The following UBR3 variants were observed in gnomAD, a reference collection of about 807,000 sequenced individuals.
UBR3 encodes the protein ubiquitin protein ligase E3 component n-recognin 3.
A neutral mutation model predicts 243.2 loss-of-function variants in UBR3; 85 were observed. The observed-to-expected ratio is 0.35, with a 90% CI of 0.29 to 0.42. The LOEUF (loss-of-function observed/expected upper bound fraction) is 0.42. Ranked by LOEUF, UBR3 falls within the 10% of genes least tolerant of loss-of-function variation. The probability of loss-of-function intolerance (pLI) is 1.00; values close to 1 mark genes in which losing one functional copy is unlikely to be tolerated. For missense variants in UBR3, 1,686 were observed against 2,300.8 expected (o/e 0.73, Z 5.47); for synonymous variants, 748 against 799.8 (o/e 0.94, Z 1.09).
intron 5 of UBR3, among the ~76,000 whole-genome samples, chr2:169,881,930 C>T (rs1367717723): frequency 8.2e-6 from 1 of 121,496 alleles, no homozygotes; most frequent in African/African-American, 3.1e-5. Context: ...TACATGTATA[C>T]ATATAATATA....
intron 24 of UBR3, among the ~76,000 whole-genome samples, chr2:169,985,782 G>T (rs6708186): frequency 6.6e-6 from 1 of 151,968 alleles, no homozygotes; most frequent in Non-Finnish European, 1.5e-5. Context: ...AGTATCAGAT[G>T]TGTGTATATC....
intron 33 of UBR3, 112 bp from the exon 34 acceptor site, chr2:170,060,967 T>TA: frequency 1.4e-6 from 1 of 720,928 alleles, no homozygotes; most frequent in Non-Finnish European, 2.1e-6. Flanking sequence ...GAAGCTCATA[T>TA]GCTTGAAAAA....
intron 3 of UBR3, 102 bp from the exon 4 acceptor site, chr2:169,877,392 C>A: frequency 9.5e-7 from 1 of 1,054,834 alleles, no homozygotes; most frequent in South Asian, 1.8e-5. Context: ...GGCTCCCACT[C>A]CATTAGAATA....
intron 32 of UBR3, 34 bp downstream of exon 32, chr2:170,041,019 T>A: frequency 4.5e-6 from 7 of 1,559,738 alleles, no homozygotes; most frequent in Non-Finnish European, 6.2e-6. Context: ...TTTGATTATA[T>A]ACTATGTATT....
At chr2:170,071,830 T>A (rs1050087648) in intron 35 of UBR3, among the ~76,000 whole-genome samples, 1 of 152,184 alleles carries the variant, frequency 6.6e-6, no homozygotes, top group African/African-American at 2.4e-5. Flanking sequence ...TGCCAAGCAT[T>A]AGGAGGACAG....
intron 31 of UBR3, among the ~76,000 whole-genome samples, chr2:170,036,230 C>T (rs1458829212): frequency 1.3e-5 from 2 of 152,138 alleles, no homozygotes; most frequent in East Asian, 3.9e-4. Context: ...GGAGTGGGGA[C>T]ATCTTTGCCT....
chr2:169,842,287 A>C (rs2082323349), intron 1 of UBR3, among the ~76,000 whole-genome samples: 1 of 152,012 alleles, frequency 6.6e-6, no homozygotes, highest in African/African-American at 2.4e-5. Flanking sequence ...GTATCTAACT[A>C]ATCTGATGGG....
In UBR3 at chr2:169,946,349, A is replaced by G; in HGVS notation, c.2867A>G (p.Glu956Gly). The G allele has an allele frequency of 6.6e-7, 1 of 1,507,666 alleles. No individual in the cohort carries two copies. Among genetic ancestry groups the G allele is most frequent in the South Asian group, 1.3e-5 (1 of 76,448 alleles). 93.4% of individuals were successfully genotyped at this position (1,507,666 alleles called of 1,614,324 possible). ...HVLCMVLYLIELGLENSAEEE... is the reference protein window; with the variant it reads ...HVLCMVLYLIGLGLENSAEEE... ...CTCTGCATGGTTTTATATCTGATTGAATTAGGACTTGAAAATTCTGCTGAA... is the reference window on the plus strand; with the variant it reads ...CTCTGCATGGTTTTATATCTGATTGGATTAGGACTTGAAAATTCTGCTGAA... Residue 956 changes from glutamate (E) to glycine (G), a missense_variant, in exon 21 of 39, where the codon GAA becomes GGA. This residue lies in a region of UBR3 where 300 missense variants were observed against 314.4 expected (regional missense o/e 0.95). Transcript: ENST00000272793.
chr2:169,877,621 T>G lies in UBR3; in HGVS notation c.972T>G (p.Ser324Arg). Residue 324 changes from serine (S) to arginine (R), a missense_variant, in exon 4 of 39, where the codon AGT becomes AGG. Transcript: ENST00000272793. ...YGVQEPSAGT[S>R]SLAVQGFIGA... ...TGCAGGAGCCATCTGCTGGTACTAG[T>G]TCTCTGGCTGTTCAAGGTTTGTCTA... 1 of 1,543,144 alleles carries G rather than the reference T, an allele frequency of 6.5e-7. No homozygotes were observed. The highest frequency in any genetic ancestry group is 8.7e-7 in the Non-Finnish European group (1 of 1,145,274).
At chr2:169,862,592 CTTGT>C (rs1559033367) in intron 1 of UBR3, among the ~76,000 whole-genome samples, 1 of 152,094 alleles carries the variant, frequency 6.6e-6, no homozygotes, top group Non-Finnish European at 1.5e-5. Context: ...TTTTATTACT[CTTGT>C]TTTTCTGAAT....
chr2:170,083,757 A>T lies in UBR3; in HGVS notation c.*1914A>T, dbSNP rs2091940483. On this transcript the variant is annotated 3_prime_UTR_variant, in exon 39 of 39. Coordinates refer to ENST00000272793, the MANE Select transcript of UBR3 (RefSeq NM_172070.4). ...CTTAACTTTAAAATTTGGGTGTTTG[A>T]TAGTGTTTATTTTGATATTGGTGAA... 6.6e-6 allele frequency: 1 copy of T among 152,602 alleles called. No homozygotes were observed. The highest frequency in any genetic ancestry group is 2.4e-5 in the African/African-American group (1 of 41,456). The allele number at this position is 152,602 out of a possible 1,614,324, so 9.5% of individuals were successfully genotyped here. A position where few individuals can be genotyped will look rare whatever the true frequency, so the allele number is the denominator to read the frequency against.
At chr2:170,079,725 T>G in intron 36 of UBR3, 89 bp from the exon 37 acceptor site, 1 of 1,220,042 alleles carries the variant, frequency 8.2e-7, no homozygotes. Context: ...GAGGCAGATT[T>G]TTCTTTCTGT....
chr2:170,049,371 G>A (rs2091164297), intron 32 of UBR3, among the ~76,000 whole-genome samples: 2 of 152,124 alleles, frequency 1.3e-5, no homozygotes, highest in Non-Finnish European at 2.9e-5. Context: ...CTAAGGAAGA[G>A]GAAGGGTTGA....
chr2:169,953,677 A>G (rs1188900546), intron 23 of UBR3, among the ~76,000 whole-genome samples: 3 of 152,222 alleles, frequency 2.0e-5, no homozygotes, highest in African/African-American at 4.8e-5. Flanking sequence ...ATAGAAATGC[A>G]TTTTAGTATT....
rs1040367053 is a variant in UBR3, at chr2:169,962,937, C to G, written c.3634+4411C>G. Among the ~76,000 whole-genome samples the G allele has an allele frequency of 2.6e-5, 4 of 152,088 alleles. No individual in the cohort carries two copies. The South Asian group carries it at 6.2e-4, about 24-fold the overall frequency. ...AGAGGTTTGGTCCTAGTAATTGTCT[C>G]TAGTCTGTGTACATGGGTAAAGTGT... On this transcript the variant is annotated intron_variant, in intron 24 of 38. Transcript: ENST00000272793.
intron 1 of UBR3, 39 bp downstream of exon 1, chr2:169,828,091 C>T: frequency 7.4e-7 from 1 of 1,350,192 alleles, no homozygotes. Context: ...CGACCCTGGG[C>T]CGGGGACGTC....
intron 1 of UBR3, among the ~76,000 whole-genome samples, chr2:169,839,335 A>G (rs2082214438): frequency 6.6e-6 from 1 of 152,214 alleles, no homozygotes; most frequent in Non-Finnish European, 1.5e-5. Context: ...CATGAAGATA[A>G]AGAGTAGATT....
chr2:170,075,950 T>G (rs2091799577), intron 36 of UBR3, among the ~76,000 whole-genome samples: 1 of 151,012 alleles, frequency 6.6e-6, no homozygotes, highest in Admixed American at 6.6e-5. Context: ...GGAAGCATAC[T>G]TGGTAACCTG....
chr2:169,989,304 CTTAA>C (rs1220196706), intron 25 of UBR3, among the ~76,000 whole-genome samples: 1 of 150,654 alleles, frequency 6.6e-6, no homozygotes, highest in Non-Finnish European at 1.5e-5. Flanking sequence ...ATTTATTTTG[CTTAA>C]TTTATTTATA....
Sources: allele counts gnomAD v4.1 joint callset (sites outside exome capture counted in the v4.1 genomes callset), GRCh38; gene constraint gnomAD v4.1.1; regional missense constraint gnomAD v4.1.1; transcripts MANE v1.5; gene names NCBI Gene and HGNC (gene_info 2026-07-23, HGNC 2026-07-21).